Variants in ICE1 observed in about 807,000 individuals in gnomAD.
ICE1 encodes little elongation complex subunit 1.
A neutral mutation model predicts 192.7 loss-of-function variants in ICE1; 64 were observed. The observed-to-expected ratio is 0.33, with a 90% CI of 0.27 to 0.41. The LOEUF is 0.41. Among genes scored for constraint, ICE1 ranks in the 10% least tolerant of loss-of-function variants. ICE1 has a pLI of 1.00. For missense variants in ICE1, 2,708 were observed against 2,696.0 expected (o/e 1.00, Z -0.10); for synonymous variants, 1,010 against 984.5 (o/e 1.03, Z -0.49).
rs767469259 is a variant in ICE1, at chr5:5,463,920, A to C, written c.4586A>C (p.Asn1529Thr). The change falls in exon 13 of 19, where the codon AAC becomes ACC. Residue 1529 changes from asparagine to threonine, a missense_variant. This residue lies in a region of ICE1 where 2,366 missense variants were observed against 2,276.6 expected (regional missense o/e 1.04). Coordinates refer to ENST00000296564, the MANE Select transcript of ICE1 (RefSeq NM_015325.3). ...IWISSQIYDQNFETQIVASDH... is the reference protein window; with the variant it reads ...IWISSQIYDQTFETQIVASDH... ...ATTAGTTCTCAAATCTATGATCAAA[A>C]CTTCGAGACTCAGATTGTTGCGTCT... is the stretch of plus-strand genomic sequence containing the variant. 6.2e-7 allele frequency: 1 copy of C among 1,613,984 alleles called. No individual in the cohort carries two copies. Among genetic ancestry groups the C allele is most frequent in the Non-Finnish European group, 8.5e-7 (1 of 1,179,870 alleles).
chr5:5,425,125 A>G (rs1028042365), intron 1 of ICE1, among the ~76,000 whole-genome samples: 1 of 152,160 alleles, frequency 6.6e-6, no homozygotes, highest in Non-Finnish European at 1.5e-5. Flanking sequence ...TATCCAGTTT[A>G]TCAGATTGTG....
rs192640824 is a variant in ICE1, at chr5:5,489,381, A to G, written c.*51A>G. 6.1e-5 allele frequency: 89 copies of G among 1,464,836 alleles called. No individual in the cohort carries two copies. Among genetic ancestry groups the G allele is most frequent in the Middle Eastern group, 1.9e-4 (1 of 5,404 alleles). The allele number at this position is 1,464,836 out of a possible 1,614,324, so 90.7% of individuals were successfully genotyped here. A position where few individuals can be genotyped will look rare whatever the true frequency, so the allele number is the denominator to read the frequency against. On this transcript the variant is annotated 3_prime_UTR_variant, in exon 19 of 19. Transcript: ENST00000296564. ...AGTGCCTTGACACATTTTGAACACA[A>G]ATAGTTTGATCAGCTTTCAGAATAC...
chr5:5,465,859 A>G (rs1738968785), intron 13 of ICE1, among the ~76,000 whole-genome samples: 1 of 152,348 alleles, frequency 6.6e-6, no homozygotes, highest in Middle Eastern at 3.4e-3. Context: ...GTGAATGCAT[A>G]TATCAAATTA....
At chr5:5,486,574 A>G (rs541288156) in intron 17 of ICE1, 147 bp from the exon 18 acceptor site, 1 of 581,064 alleles carries the variant, frequency 1.7e-6, no homozygotes, top group African/African-American at 1.9e-5. Flanking sequence ...AAAGCAACAC[A>G]TTGTATATCA....
In ICE1 at chr5:5,486,804, C is replaced by T; in HGVS notation, c.6604C>T (p.His2202Tyr). The T allele has an allele frequency of 6.3e-7, 1 of 1,593,400 alleles. No homozygotes were observed. Among genetic ancestry groups the T allele is most frequent in the Non-Finnish European group, 8.6e-7 (1 of 1,168,258 alleles). Residue 2202 changes from histidine (H) to tyrosine (Y), a missense_variant, in exon 18 of 19, where the codon CAT becomes TAT. Physicochemically the swap from His to Tyr is moderately conservative, Grantham distance 83. This residue lies in a region of ICE1 where 342 missense variants were observed against 419.3 expected (regional missense o/e 0.82). Transcript: ENST00000296564. ...ISSVIGMFIQ[H>Y]AHDEDIPWGI... Reference sequence around the variant, plus strand: ...TTCGGTTATTGGTATGTTTATACAGCATGCTCACGATGAAGGTAAAACTTA... The same window carrying T: ...TTCGGTTATTGGTATGTTTATACAGTATGCTCACGATGAAGGTAAAACTTA...
Position 5,462,474 on chromosome 5 carries a change from G to A in ICE1, c.3140G>A (p.Gly1047Glu), listed in dbSNP as rs189870118. The change falls in exon 13 of 19, where the codon GGA becomes GAA. Residue 1047 changes from glycine to glutamate, a missense_variant. Physicochemically the swap from Gly to Glu is moderately conservative, Grantham distance 98. This residue lies in a region of ICE1 where 2,366 missense variants were observed against 2,276.6 expected (regional missense o/e 1.04). Coordinates refer to ENST00000296564, the MANE Select transcript of ICE1 (RefSeq NM_015325.3). ...DSTSTPQNAN[G>E]LWKLKSTTPG... The stretch of plus-strand genomic sequence containing the variant: ...ACCAGCACACCACAAAATGCTAATG[G>A]ACTTTGGAAATTGAAATCTACAACT... 2.2e-5 allele frequency: 36 copies of A among 1,614,010 alleles called. No homozygotes were observed. The highest frequency in any genetic ancestry group is 2.8e-5 in the Non-Finnish European group (33 of 1,179,900).
chr5:5,472,050 G>A (rs1666451866), intron 15 of ICE1, among the ~76,000 whole-genome samples: 1 of 152,102 alleles, frequency 6.6e-6, no homozygotes. Context: ...GTAAGAATGT[G>A]TTTACTTTGG....
chr5:5,468,507 T>C (rs1561094577), intron 14 of ICE1, among the ~76,000 whole-genome samples: 1 of 152,276 alleles, frequency 6.6e-6, no homozygotes, highest in Non-Finnish European at 1.5e-5. Context: ...ATCAGAAGCT[T>C]TATGTGTTCA....
rs150450589 is a variant in ICE1 at position 5,441,949 on chromosome 5, C to A, written c.309+726C>A. On this transcript the variant is annotated intron_variant, in intron 5 of 18. Transcript: ENST00000296564. Reference sequence around the variant, plus strand: ...TAAGCGTTCAGGTTAGGGGTTATTTCTTTTAGGGCATGTTCGATCTTTTTG... The same window carrying A: ...TAAGCGTTCAGGTTAGGGGTTATTTATTTTAGGGCATGTTCGATCTTTTTG... 1.8e-4 allele frequency among the ~76,000 whole-genome samples: 27 copies of A among 152,146 alleles called. 1 individual carries two copies. The highest frequency in any genetic ancestry group is 6.5e-4 in the African/African-American group (27 of 41,516).
In ICE1 at chr5:5,462,708, C is replaced by T. The variant is rs770048245; in HGVS notation, c.3374C>T (p.Ala1125Val). Residue 1125 changes from alanine (A) to valine (V), a missense_variant, in exon 13 of 19, where the codon GCT (alanine) becomes GTT (valine). Ala to Val is a moderately conservative substitution (Grantham distance 64). Transcript: ENST00000296564. ...AGTGAGGGGAGCGAACAGCAAGATGCTCCTGATGACTCACAGAAAAATTTA... is the reference window on the plus strand; with the variant it reads ...AGTGAGGGGAGCGAACAGCAAGATGTTCCTGATGACTCACAGAAAAATTTA... ...SCSEGSEQQD[A>V]PDDSQKNLGD... 36 of 1,613,712 alleles carry T rather than the reference C, an allele frequency of 2.2e-5. No homozygotes were observed. The highest frequency in any genetic ancestry group is 2.8e-5 in the Non-Finnish European group (33 of 1,179,802).
Position 5,463,874 on chromosome 5 carries a change from C to G in ICE1, c.4540C>G (p.Pro1514Ala). Reference sequence around the variant, plus strand: ...TGATAAGAGTCGTTTGCGAAATAGACCCGTTAAGCCTAGTATATGGATTAG... The same window carrying G: ...TGATAAGAGTCGTTTGCGAAATAGAGCCGTTAAGCCTAGTATATGGATTAG... ...NFDKSRLRNR[P>A]VKPSIWISSQ... Residue 1514 changes from proline (P) to alanine (A), a missense_variant, in exon 13 of 19, where the codon CCC (proline) becomes GCC (alanine). Coordinates refer to ENST00000296564, the MANE Select transcript of ICE1 (RefSeq NM_015325.3). The G allele has an allele frequency of 6.2e-7, 1 of 1,613,856 alleles. No individual in the cohort carries two copies. Among genetic ancestry groups the G allele is most frequent in the Non-Finnish European group, 8.5e-7 (1 of 1,179,824 alleles).
Position 5,465,075 on chromosome 5 carries a change from C to G in ICE1, c.5741C>G (p.Ala1914Gly). ...GAAACTGTGGAGTCCCATGATAAAG[C>G]CATAGCTAATGCCCTGAAGAAAATT... The part of the protein sequence containing the change: ...PKETVESHDK[A>G]IANALKKIAE... The change falls in exon 13 of 19, where the codon GCC becomes GGC. Residue 1914 changes from alanine (A) to glycine (G), a missense_variant. This residue lies in a region of ICE1 where 2,366 missense variants were observed against 2,276.6 expected (regional missense o/e 1.04). Transcript: ENST00000296564. 1 of 1,613,896 alleles carries G rather than the reference C, an allele frequency of 6.2e-7. No individual in the cohort carries two copies. The highest frequency in any genetic ancestry group is 8.5e-7 in the Non-Finnish European group (1 of 1,179,834).
chr5:5,453,953 C>T (rs769246837), intron 10 of ICE1, among the ~76,000 whole-genome samples: 2 of 152,078 alleles, frequency 1.3e-5, no homozygotes, highest in African/African-American at 2.4e-5. Flanking sequence ...TCTGTCTGCT[C>T]GTGTGTGTGA....
At chr5:5,442,360 G>C in intron 5 of ICE1, among the ~76,000 whole-genome samples, 1 of 152,128 alleles carries the variant, frequency 6.6e-6, no homozygotes, top group Non-Finnish European at 1.5e-5. Context: ...GAGGTCTTAC[G>C]TGCTTTAATA....
intron 14 of ICE1, 27 bp downstream of exon 14, chr5:5,466,529 A>T: frequency 1.3e-6 from 2 of 1,575,818 alleles, no homozygotes; most frequent in Non-Finnish European, 1.7e-6. Context: ...ACAATTTTGT[A>T]TTGAAAATAT....
At chr5:5,453,813 GTCTTAGT>G (rs1738498335) in intron 10 of ICE1, among the ~76,000 whole-genome samples, 1 of 152,178 alleles carries the variant, frequency 6.6e-6, no homozygotes, top group Admixed American at 6.5e-5. Flanking sequence ...CATTAGGGCT[GTCTTAGT>G]TACAGCATCC....
chr5:5,463,575 A>C lies in ICE1; in HGVS notation c.4241A>C (p.Gln1414Pro). 3 of 1,614,052 alleles carry C rather than the reference A, an allele frequency of 1.9e-6. No homozygotes were observed. The highest frequency in any genetic ancestry group is 2.5e-6 in the Non-Finnish European group (3 of 1,179,904). ...ATAAACGTACTTATAAATAAGGATC[A>C]GAATCTAGTCATTGAAAAGGGGGAC... ...EVINVLINKDQNLVIEKGDNW... is the reference protein window; with the variant it reads ...EVINVLINKDPNLVIEKGDNW... Residue 1414 changes from glutamine to proline, a missense_variant, in exon 13 of 19, where the codon CAG becomes CCG. Transcript: ENST00000296564.
At chr5:5,425,774 G>C (rs888019568) in intron 1 of ICE1, among the ~76,000 whole-genome samples, 2 of 152,138 alleles carry the variant, frequency 1.3e-5, no homozygotes, top group African/African-American at 4.8e-5. Context: ...ATGGATTGAA[G>C]GGGGGTGCAA....
chr5:5,463,915 T>G lies in ICE1; in HGVS notation c.4581T>G (p.Asp1527Glu). 1 of 1,614,010 alleles carries G rather than the reference T, an allele frequency of 6.2e-7. No homozygotes were observed. The highest frequency in any genetic ancestry group is 1.1e-5 in the South Asian group (1 of 91,076). ...PSIWISSQIY[D>E]QNFETQIVAS... ...TATGGATTAGTTCTCAAATCTATGA[T>G]CAAAACTTCGAGACTCAGATTGTTG... The change falls in exon 13 of 19, where the codon GAT becomes GAG. Residue 1527 changes from aspartate to glutamate, a missense_variant. Physicochemically the swap from Asp to Glu is conservative, Grantham distance 45 (BLOSUM62 2). Around this residue, in one of 2 missense-constraint regions of ICE1, gnomAD observed 2,366 missense variants for 2,276.6 expected, o/e 1.04. Coordinates refer to ENST00000296564, the MANE Select transcript of ICE1 (RefSeq NM_015325.3).
Sources: gnomAD v4.1 joint callset for allele counts (sites outside exome capture counted in the v4.1 genomes callset) on GRCh38, gnomAD v4.1.1 for gene constraint, gnomAD v4.1.1 regional missense constraint, MANE v1.5 for transcripts, NCBI Gene and HGNC (gene_info 2026-07-23, HGNC 2026-07-21) for gene names.